The following ETNK1 variants were observed in gnomAD, a reference collection of about 807,000 sequenced individuals.
ETNK1 encodes the protein putative protein product of Nbla10396.
Under a neutral mutation model 45.1 loss-of-function variants are expected in ETNK1, and 8 were observed. That is an observed-to-expected ratio of 0.18 (90% CI 0.10 to 0.32). The LOEUF (loss-of-function observed/expected upper bound fraction) is 0.32, where lower values mean the gene tolerates loss of function less well. ETNK1 is among the 10% of genes least tolerant of loss of function. The pLI is 1.00. For missense variants in ETNK1, 302 were observed against 430.6 expected (o/e 0.70, Z 2.64); for synonymous variants, 152 against 151.9 (o/e 1.00, Z -0.01).
At chr12:22,676,637 C>T (rs1184701654) in intron 6 of ETNK1, among the ~76,000 whole-genome samples, 1 of 152,000 alleles carries the variant, frequency 6.6e-6, no homozygotes, top group Non-Finnish European at 1.5e-5. Flanking sequence ...AGTATAAAAG[C>T]GTTTCTGTTT....
intron 2 of ETNK1, among the ~76,000 whole-genome samples, chr12:22,648,967 G>A (rs896062245): frequency 6.6e-5 from 10 of 151,968 alleles, no homozygotes; most frequent in Non-Finnish European, 1.5e-4. Flanking sequence ...TCCCTGATAT[G>A]TGATATGGAA....
chr12:22,638,932 G>A (rs1294079710), intron 1 of ETNK1: 4 of 151,642 alleles, frequency 2.6e-5, no homozygotes, highest in African/African-American at 9.7e-5. Flanking sequence ...TTTTTTTTGC[G>A]TGATCACAGC....
intron 2 of ETNK1, 24 bp downstream of exon 2, chr12:22,644,046 T>A (rs1953774214): frequency 7.0e-7 from 1 of 1,436,890 alleles, no homozygotes; most frequent in Admixed American, 2.6e-5. Flanking sequence ...TCTGAATTTT[T>A]CCTTTTGAAA....
chr12:22,680,339 A>T (rs1278472999), intron 6 of ETNK1, among the ~76,000 whole-genome samples: 4 of 152,160 alleles, frequency 2.6e-5, no homozygotes, highest in African/African-American at 9.7e-5. Context: ...TGTATATTAA[A>T]AAAGTGATCC....
At chr12:22,645,756 A>T (rs1458292323) in intron 2 of ETNK1, among the ~76,000 whole-genome samples, 1 of 151,738 alleles carries the variant, frequency 6.6e-6, no homozygotes. Context: ...GAAATATACA[A>T]TAAATTATTG....
At position 22,686,023 on chromosome 12, in the gene ETNK1, C is replaced by T. The variant is rs558053532; in HGVS notation, c.*1069C>T. The stretch of plus-strand genomic sequence containing the variant: ...ACTGATAGCAAATGATTACTTGATA[C>T]ATGTAAGTTCAGCGTTATATGTTGA... On this transcript the variant is annotated 3_prime_UTR_variant, in exon 8 of 8. Coordinates refer to ENST00000266517, the MANE Select transcript of ETNK1 (RefSeq NM_018638.5). 1 of 152,268 alleles carries T rather than the reference C, an allele frequency of 6.6e-6. No individual in the cohort carries two copies. The highest frequency in any genetic ancestry group is 2.4e-5 in the African/African-American group (1 of 41,426). 9.4% of individuals were successfully genotyped at this position (152,268 alleles called of 1,614,324 possible). A position where few individuals can be genotyped will look rare whatever the true frequency, so the allele number is the denominator to read the frequency against.
intron 2 of ETNK1, among the ~76,000 whole-genome samples, chr12:22,654,728 T>C (rs1050182171): frequency 6.6e-5 from 10 of 152,218 alleles, no homozygotes; most frequent in Non-Finnish European, 1.5e-4. Context: ...TTATTATTAT[T>C]GCTATTCTAT....
chr12:22,629,940 G>A (rs926826438), intron 1 of ETNK1, among the ~76,000 whole-genome samples: 4 of 151,992 alleles, frequency 2.6e-5, no homozygotes, highest in South Asian at 4.2e-4. Flanking sequence ...TTTAATAGAC[G>A]CCCATCAAAA....
At chr12:22,684,814 T>TG in intron 7 of ETNK1, 68 bp from the exon 8 acceptor site, 1 of 1,286,688 alleles carries the variant, frequency 7.8e-7, no homozygotes, top group Non-Finnish European at 1.1e-6. Context: ...GAGGACTGAG[T>TG]GAAAATAAGG....
chr12:22,671,866 AATAG>A (rs1455307915), intron 5 of ETNK1, among the ~76,000 whole-genome samples: 20 of 150,098 alleles, frequency 1.3e-4, no homozygotes, highest in East Asian at 5.8e-4. Context: ...AAAAAAAAGT[AATAG>A]ATAGGAGAAA....
intron 6 of ETNK1, among the ~76,000 whole-genome samples, chr12:22,674,510 C>T (rs982951230): frequency 2.6e-5 from 4 of 152,138 alleles, no homozygotes; most frequent in South Asian, 2.1e-4. Flanking sequence ...ACCTGCTGTT[C>T]TTCTATCTAT....
intron 1 of ETNK1, among the ~76,000 whole-genome samples, chr12:22,641,993 A>G (rs1450797913): frequency 1.3e-5 from 2 of 152,148 alleles, no homozygotes; most frequent in Non-Finnish European, 2.9e-5. Flanking sequence ...ATAAATGTAT[A>G]ATATAGCATG....
chr12:22,686,819 A>G lies in ETNK1; in HGVS notation c.*1865A>G, dbSNP rs549076289. On this transcript the variant is annotated 3_prime_UTR_variant, in exon 8 of 8. Transcript: ENST00000266517. Reference sequence around the variant, plus strand: ...TTTTGTCTGTGGTTAGAACATTTTCATAAAACAGATAAAGAATGTGTAATA... The same window carrying G: ...TTTTGTCTGTGGTTAGAACATTTTCGTAAAACAGATAAAGAATGTGTAATA... 1.3e-5 allele frequency: 2 copies of G among 148,652 alleles called. No homozygotes were observed. Among genetic ancestry groups the G allele is most frequent in the Admixed American group, 1.3e-4 (2 of 14,888 alleles). The allele number at this position is 148,652 out of a possible 1,614,324, so 9.2% of individuals were successfully genotyped here.
intron 1 of ETNK1, among the ~76,000 whole-genome samples, chr12:22,639,703 G>C (rs1369903327): frequency 1.3e-5 from 2 of 151,976 alleles, no homozygotes; most frequent in African/African-American, 2.4e-5. Flanking sequence ...CTAGAACCTT[G>C]ATTAGATTTC....
chr12:22,661,141 C>T lies in ETNK1; in HGVS notation c.636C>T (p.Gly212=). Residue 212 remains glycine, a synonymous_variant, in exon 4 of 8, where the codon GGC becomes GGT. Transcript: ENST00000266517. ...TGAAGGAGATTCTTTCCAACCTGGGCTCACCTGTTGTGCTTTGCCATAATG... is the reference window on the plus strand; with the variant it reads ...TGAAGGAGATTCTTTCCAACCTGGGTTCACCTGTTGTGCTTTGCCATAATG... ...TWMKEILSNL[G]SPVVLCHNDL... 2.5e-6 allele frequency: 4 copies of T among 1,612,476 alleles called. No individual in the cohort carries two copies. Among genetic ancestry groups the T allele is most frequent in the Non-Finnish European group, 3.4e-6 (4 of 1,179,374 alleles).
chr12:22,670,600 C>T (rs773495261), intron 4 of ETNK1, among the ~76,000 whole-genome samples: 15 of 152,062 alleles, frequency 9.9e-5, no homozygotes, highest in South Asian at 2.1e-4. Context: ...AAATTTCTCA[C>T]GTTTATAAAC....
chr12:22,645,250 A>G (rs938557624), intron 2 of ETNK1, among the ~76,000 whole-genome samples: 11 of 151,792 alleles, frequency 7.2e-5, no homozygotes. Flanking sequence ...GGATCCCCCC[A>G]AAGCTGGTTT....
chr12:22,684,823 G>T, intron 7 of ETNK1, 59 bp from the exon 8 acceptor site: 1 of 1,355,626 alleles, frequency 7.4e-7, no homozygotes, highest in South Asian at 1.3e-5. Context: ...GTGAAAATAA[G>T]GGAAGGACCA....
At chr12:22,662,383 T>C (rs1954012696) in intron 4 of ETNK1, among the ~76,000 whole-genome samples, 1 of 139,636 alleles carries the variant, frequency 7.2e-6, no homozygotes, top group Non-Finnish European at 1.5e-5. Context: ...CCACTGAGCC[T>C]GGCCTTTCCT....
Sources: gnomAD v4.1 joint callset for allele counts (sites outside exome capture counted in the v4.1 genomes callset) on GRCh38, gnomAD v4.1.1 for gene constraint, MANE v1.5 for transcripts, NCBI Gene and HGNC (gene_info 2026-07-23, HGNC 2026-07-21) for gene names.